ZNF331: variants seen among roughly 807,000 people sequenced by gnomAD.
ZNF331 encodes the protein C2H2-like zinc finger protein rearranged in thyroid adenomas.
ZNF331 carries 2 observed loss-of-function variants against 7.0 expected under a neutral mutation model. That is an observed-to-expected ratio of 0.29 (90% CI 0.12 to 0.90). The LOEUF (loss-of-function observed/expected upper bound fraction) is 0.90, where lower values mean the gene tolerates loss of function less well. Ranked by LOEUF, ZNF331 falls within the 40% of genes least tolerant of loss-of-function variation. The pLI, the probability that ZNF331 is intolerant of heterozygous loss-of-function variation, is 0.58. For synonymous variants in ZNF331, 196 were observed against 205.4 expected (o/e 0.95, Z 0.39); for missense variants, 432 against 587.7 (o/e 0.74, Z 2.74).
chr19:53,570,888 G>A (rs1361308188), intron 4 of ZNF331, among the ~76,000 whole-genome samples: 8 of 125,640 alleles, frequency 6.4e-5, no homozygotes, highest in East Asian at 4.7e-4. Context: ...ACAGAGTCTC[G>A]CTCTGTCGCC....
At chr19:53,509,267 G>T in the ZNF331 span, among the ~76,000 whole-genome samples, 2 of 152,144 alleles carry the variant, frequency 1.3e-5, 1 homozygote, top group Non-Finnish European at 2.9e-5. Flanking sequence ...TTTCTTCCAC[G>T]TAGAGATGAA....
chr19:53,516,599 C>T (rs2147207768), upstream of ZNF331, among the ~76,000 whole-genome samples: 1 of 152,188 alleles, frequency 6.6e-6, no homozygotes, highest in East Asian at 1.9e-4. Flanking sequence ...GATGCCTCAC[C>T]TAACACCCAG....
At chr19:53,545,004 A>G (rs8101896) in intron 2 of ZNF331, among the ~76,000 whole-genome samples, 71,292 of 151,984 alleles carry the variant, frequency 0.47, 18,267 homozygotes, top group African/African-American at 0.68. Flanking sequence ...GATTACAGGC[A>G]TGAGCCACCA....
upstream of ZNF331, among the ~76,000 whole-genome samples, chr19:53,514,840 T>C (rs571264743): frequency 1.6e-4 from 24 of 152,048 alleles, no homozygotes; most frequent in South Asian, 1.2e-3. Context: ...TTAGTAGAGA[T>C]GGGGTTTCAC....
Position 53,577,994 on chromosome 19 carries a change from C to T in ZNF331, c.*42C>T, listed in dbSNP as rs929276118. 1.5e-5 allele frequency: 23 copies of T among 1,551,202 alleles called. No homozygotes were observed. The highest frequency in any genetic ancestry group is 2.3e-5 in the East Asian group (1 of 44,132). ...AGTAGCCCGCTCGTATCTATGGTTT[C>T]GCTTTCCACAGTTTGTTACCTGCAG... On this transcript the variant is annotated 3_prime_UTR_variant, in exon 6 of 6. Transcript: ENST00000449416.
intron 5 of ZNF331, among the ~76,000 whole-genome samples, chr19:53,575,998 T>C (rs2090703868): frequency 6.6e-6 from 1 of 151,764 alleles, no homozygotes; most frequent in Non-Finnish European, 1.5e-5. Flanking sequence ...TTTGTTTTTG[T>C]TTTGAGACAG....
intron 3 of ZNF331, among the ~76,000 whole-genome samples, chr19:53,566,012 C>T (rs750739243): frequency 3.3e-5 from 5 of 152,130 alleles, no homozygotes; most frequent in Non-Finnish European, 2.9e-5. Context: ...GCTGTCAGGA[C>T]CACCACCAGG....
chr19:53,533,373 C>T (rs1238670495), upstream of ZNF331, among the ~76,000 whole-genome samples: 3 of 152,066 alleles, frequency 2.0e-5, no homozygotes, highest in Non-Finnish European at 4.4e-5. Flanking sequence ...ATTTCAGTTG[C>T]CTTAAATTTC....
rs574820710 is a variant in ZNF331, at chr19:53,552,438, G to A, written c.-137-3407G>A. On this transcript the variant is annotated intron_variant, in intron 2 of 5. Coordinates refer to ENST00000449416, the MANE Select transcript of ZNF331 (RefSeq NM_001079906.2). Reference sequence around the variant, plus strand: ...TTTTAGCATAAGAAAAAAACAGCAGGCCGGGTGCAGTGGCCCTTGCTTGTA... The same window carrying A: ...TTTTAGCATAAGAAAAAAACAGCAGACCGGGTGCAGTGGCCCTTGCTTGTA... Among the ~76,000 whole-genome samples, 3 of 152,204 alleles carry A rather than the reference G, an allele frequency of 2.0e-5. No individual in the cohort carries two copies. In the East Asian group the frequency reaches 5.8e-4, roughly 29 times the overall value.
chr19:53,552,059 TA>T (rs757148303), intron 2 of ZNF331, among the ~76,000 whole-genome samples: 2 of 152,218 alleles, frequency 1.3e-5, no homozygotes, highest in East Asian at 1.9e-4. Flanking sequence ...TATGTACAAG[TA>T]AAAAATACCC....
At chr19:53,521,331 A>AGTGAGAGT (rs779905191) in exon 1 of ZNF331, 3 of 129,114 alleles carry the variant, frequency 2.3e-5, no homozygotes, top group Admixed American at 7.4e-5. Context: ...AGTGTGTGTG[A>AGTGAGAGT]GTGTGTGTGT....
chr19:53,556,057 A>G (rs935076164), intron 3 of ZNF331, 149 bp downstream of exon 3: 1 of 151,886 alleles, frequency 6.6e-6, no homozygotes, highest in Non-Finnish European at 1.5e-5. Context: ...ATCCTGGCTA[A>G]CACGGTGAAA....
rs557142295 is a variant in ZNF331, at chr19:53,580,246, T to C, written c.*2294T>C. The C allele has an allele frequency of 1.6e-5, 3 of 182,190 alleles. No homozygotes were observed. In the East Asian group the frequency reaches 2.7e-4, roughly 16 times the overall value. 11.3% of individuals were successfully genotyped at this position (182,190 alleles called of 1,614,324 possible). The stretch of plus-strand genomic sequence containing the variant: ...ACAATTATTATTTGTCAATCAAATA[T>C]TAATAAAATCAAAGATGAGCAGGTC... On this transcript the variant is annotated 3_prime_UTR_variant, in exon 6 of 6. Transcript: ENST00000449416.
rs2089801987 is a variant in ZNF331, at chr19:53,560,305, C to T, written c.-74+4397C>T. Among the ~76,000 whole-genome samples, 1 of 150,978 alleles carries T rather than the reference C, an allele frequency of 6.6e-6. No individual in the cohort carries two copies. ...TATATATGCACATATATATATACAC[C>T]CACACCATATACACACACATACACA... On this transcript the variant is annotated intron_variant, in intron 3 of 5. Coordinates refer to ENST00000449416, the MANE Select transcript of ZNF331 (RefSeq NM_001079906.2). This position sits in a 1 kb window ranked among gnomAD's most constrained non-coding sequence, Gnocchi z 4.3.
intron 2 of ZNF331, among the ~76,000 whole-genome samples, chr19:53,553,744 G>C (rs983221483): frequency 3.3e-5 from 5 of 152,220 alleles, no homozygotes; most frequent in Non-Finnish European, 7.3e-5. Context: ...ACCTCGGGCA[G>C]CCTGTGCTGG....
At position 53,550,529 on chromosome 19, in the gene ZNF331, C is replaced by CTTTTTTTTTTTTTTTT. The variant is rs60619357; in HGVS notation, c.-137-5306_-137-5291dup. Among the ~76,000 whole-genome samples the CTTTTTTTTTTTTTTTT allele has an allele frequency of 2.3e-4, 15 of 64,546 alleles. 3 individuals carry two copies. Among genetic ancestry groups the CTTTTTTTTTTTTTTTT allele is most frequent in the East Asian group, 6.0e-4 (1 of 1,658 alleles). 42.3% of individuals were successfully genotyped at this position (64,546 alleles called of 152,430 possible). A position where few individuals can be genotyped will look rare whatever the true frequency, so the allele number is the denominator to read the frequency against. On this transcript the variant is annotated intron_variant, in intron 2 of 5. Transcript: ENST00000449416. The stretch of plus-strand genomic sequence containing the variant: ...GTTTTTGATTTAAAGTCTATTTTGT[C>CTTTTTTTTTTTTTTTT]TTTTTTTTTTTTTTTTTTTTTTTTT...
chr19:53,515,011 T>C (rs1173544010), upstream of ZNF331, among the ~76,000 whole-genome samples: 3 of 152,172 alleles, frequency 2.0e-5, no homozygotes, highest in Non-Finnish European at 4.4e-5. Context: ...AGAAATTACA[T>C]CCTCAGAGAA....
intron 3 of ZNF331, among the ~76,000 whole-genome samples, chr19:53,556,199 C>T (rs1187836661): frequency 6.8e-6 from 1 of 146,074 alleles, no homozygotes; most frequent in Non-Finnish European, 1.5e-5. Context: ...GCCGAGATCG[C>T]ACCGCTTCAC....
At chr19:53,541,110 C>CTTT (rs56706446) in intron 2 of ZNF331, among the ~76,000 whole-genome samples, 11,118 of 139,284 alleles carry the variant, frequency 0.08, 771 homozygotes, top group African/African-American at 0.18. Flanking sequence ...TATTTCTTTT[C>CTTT]TTTTTTTTTT....
Sources: allele counts gnomAD v4.1 joint callset (sites outside exome capture counted in the v4.1 genomes callset), GRCh38; gene constraint gnomAD v4.1.1; non-coding constraint Gnocchi (gnomAD v3.1); transcripts MANE v1.5; gene names NCBI Gene and HGNC (gene_info 2026-07-23, HGNC 2026-07-21).